The following STPG2 variants were observed in gnomAD, a reference collection of about 807,000 sequenced individuals.
The protein encoded by STPG2 is sperm tail PG-rich repeat containing 2.
Under a neutral mutation model 54.2 loss-of-function variants are expected in STPG2, and 56 were observed. The ratio of observed to expected loss-of-function variants is 1.03; its 90% CI spans 0.83 to 1.29. The LOEUF is 1.29. Among genes scored for constraint, STPG2 ranks in the 50% most tolerant of loss-of-function variants. The pLI is 0.00. For missense variants in STPG2, 596 were observed against 544.9 expected (o/e 1.09, Z -0.93); for synonymous variants, 200 against 181.8 (o/e 1.10, Z -0.81).
At chr4:97,699,078 C>T (rs1406487043) in intron 10 of STPG2, among the ~76,000 whole-genome samples, 1 of 152,176 alleles carries the variant, frequency 6.6e-6, no homozygotes, top group Non-Finnish European at 1.5e-5. Context: ...AGGTCCAATA[C>T]AATCAACCTG....
At chr4:97,827,830 C>T (rs985043811) in intron 9 of STPG2, among the ~76,000 whole-genome samples, 5 of 152,024 alleles carry the variant, frequency 3.3e-5, no homozygotes, top group East Asian at 1.9e-4. Context: ...GGCCTCATAC[C>T]TTGCCCATAC....
intron 10 of STPG2, among the ~76,000 whole-genome samples, chr4:97,568,895 G>GT (rs1413653754): frequency 1.5e-5 from 2 of 130,812 alleles, no homozygotes; most frequent in Non-Finnish European, 3.5e-5. Context: ...TTTGTTTTTT[G>GT]TTTTGTTTTT....
At chr4:97,816,886 CTTT>C (rs905189464) in intron 9 of STPG2, among the ~76,000 whole-genome samples, 7 of 146,514 alleles carry the variant, frequency 4.8e-5, no homozygotes, top group Non-Finnish European at 1.1e-4. Context: ...CTTTCTTTTT[CTTT>C]TTTATTTCTC....
chr4:97,612,331 G>A (rs1045049316), intron 10 of STPG2, among the ~76,000 whole-genome samples: 1 of 151,022 alleles, frequency 6.6e-6, no homozygotes, highest in Non-Finnish European at 1.5e-5. Flanking sequence ...GAAACAGAAG[G>A]ATTCATTTAC....
chr4:98,026,051 C>G, intron 5 of STPG2: 3 of 1,075,778 alleles, frequency 2.8e-6, no homozygotes, highest in Non-Finnish European at 2.8e-6. Context: ...ACAGTTCTCT[C>G]AATACATAAA....
chr4:97,758,485 A>T (rs1725795096), intron 9 of STPG2, among the ~76,000 whole-genome samples: 1 of 152,190 alleles, frequency 6.6e-6, no homozygotes, highest in Non-Finnish European at 1.5e-5. Context: ...ACATGGATGA[A>T]GCTGGAAAAC....
intron 4 of STPG2, among the ~76,000 whole-genome samples, chr4:97,452,905 T>C (rs1729413917): frequency 6.6e-6 from 1 of 152,218 alleles, no homozygotes; most frequent in South Asian, 2.1e-4. Flanking sequence ...AAGCGTTCTA[T>C]TGCTCAATAT....
intron 10 of STPG2, among the ~76,000 whole-genome samples, chr4:97,673,406 T>C (rs1338453751): frequency 6.6e-6 from 1 of 152,162 alleles, no homozygotes; most frequent in African/African-American, 2.4e-5. Context: ...TCACAGCAAA[T>C]GGATTTAAGG....
At chr4:97,861,709 C>A (rs1033230566) in intron 8 of STPG2, among the ~76,000 whole-genome samples, 2 of 152,138 alleles carry the variant, frequency 1.3e-5, no homozygotes, top group African/African-American at 2.4e-5. Flanking sequence ...GCCCATCAGA[C>A]TAACAGCTGC....
At chr4:97,912,485 T>A (rs563280636) in intron 8 of STPG2, among the ~76,000 whole-genome samples, 1 of 152,270 alleles carries the variant, frequency 6.6e-6, no homozygotes, top group Admixed American at 6.5e-5. Flanking sequence ...ACCAACCTGA[T>A]GGAGCTGAAA....
At chr4:97,447,341 C>T (rs1241885992) in intron 4 of STPG2, among the ~76,000 whole-genome samples, 1 of 152,148 alleles carries the variant, frequency 6.6e-6, no homozygotes, top group Non-Finnish European at 1.5e-5. Flanking sequence ...GAAATTCAAG[C>T]CATCTGCAGA....
chr4:97,797,149 T>A (rs1727217016), intron 9 of STPG2, among the ~76,000 whole-genome samples: 1 of 152,190 alleles, frequency 6.6e-6, no homozygotes, highest in African/African-American at 2.4e-5. Context: ...ACAATTTGAT[T>A]TCCTCTTTTC....
intron 3 of STPG2, among the ~76,000 whole-genome samples, chr4:98,111,257 C>CA (rs953294835): frequency 3.3e-5 from 5 of 151,840 alleles, no homozygotes; most frequent in East Asian, 1.9e-4. Context: ...TTAACATCCC[C>CA]AAAAAAACAG....
chr4:97,819,323 AAAT>A (rs2149103302), intron 9 of STPG2, among the ~76,000 whole-genome samples: 1 of 152,192 alleles, frequency 6.6e-6, no homozygotes, highest in East Asian at 1.9e-4. Flanking sequence ...AAAACAGAAT[AAAT>A]AATTAATTTT....
chr4:98,133,556 A>T (rs556487932), intron 2 of STPG2, among the ~76,000 whole-genome samples: 61 of 152,180 alleles, frequency 4.0e-4, no homozygotes, highest in African/African-American at 1.3e-3. Flanking sequence ...TTCTATGTTT[A>T]AAGAATAGAT....
chr4:97,575,360 T>C (rs950443671), intron 10 of STPG2, among the ~76,000 whole-genome samples: 5 of 151,520 alleles, frequency 3.3e-5, no homozygotes, highest in Admixed American at 3.3e-4. Context: ...CAGGCCAATA[T>C]CTAAATCCTC....
chr4:97,923,152 C>T (rs558000177), intron 8 of STPG2, among the ~76,000 whole-genome samples: 1 of 152,380 alleles, frequency 6.6e-6, no homozygotes, highest in African/African-American at 2.4e-5. Flanking sequence ...CCACTCTGGC[C>T]ATGCTTGAGG....
chr4:98,066,646 A>G (rs1033377106), intron 5 of STPG2, among the ~76,000 whole-genome samples: 6 of 152,158 alleles, frequency 3.9e-5, no homozygotes, highest in South Asian at 2.1e-4. Flanking sequence ...CATATCTAAC[A>G]AGAAAATATA....
intron 9 of STPG2, among the ~76,000 whole-genome samples, chr4:97,810,175 A>T (rs1202941169): frequency 1.3e-5 from 2 of 152,180 alleles, no homozygotes; most frequent in Non-Finnish European, 2.9e-5. Flanking sequence ...TACCTAAAGA[A>T]TGAAAGCAAG....
Sources: allele counts gnomAD v4.1 joint callset (sites outside exome capture counted in the v4.1 genomes callset), GRCh38; gene constraint gnomAD v4.1.1; transcripts MANE v1.5; gene names NCBI Gene and HGNC (gene_info 2026-07-23, HGNC 2026-07-21).